The following GRID2 variants were observed in gnomAD, a reference collection of about 807,000 sequenced individuals.
GRID2 encodes the protein glutamate receptor ionotropic, delta-2.
A neutral mutation model predicts 114.8 loss-of-function variants in GRID2; 33 were observed. The observed-to-expected ratio is 0.29, with a 90% CI of 0.22 to 0.38. The LOEUF (loss-of-function observed/expected upper bound fraction) is 0.38, where lower values mean the gene tolerates loss of function less well. GRID2 is among the 10% of genes least tolerant of loss of function. The pLI is 1.00. For synonymous variants in GRID2, 505 were observed against 449.9 expected, an observed-to-expected ratio of 1.12 and a Z score of -1.55; for missense variants, 1,184 against 1,257.7, an observed-to-expected ratio of 0.94 and a Z score of 0.89.
At chr4:92,765,628 C>T (rs1738222517) in intron 2 of GRID2, among the ~76,000 whole-genome samples, 1 of 152,098 alleles carries the variant, frequency 6.6e-6, no homozygotes, top group Admixed American at 6.5e-5. Context: ...ACCTGTGATA[C>T]AGCCAAATGA....
chr4:93,562,226 G>A (rs1256216433), intron 13 of GRID2, among the ~76,000 whole-genome samples: 2 of 151,654 alleles, frequency 1.3e-5, no homozygotes, highest in Admixed American at 1.3e-4. Context: ...CATTCTAATA[G>A]TGTGTAGTGA....
At chr4:92,513,176 T>C (rs1724339672) in intron 1 of GRID2, among the ~76,000 whole-genome samples, 1 of 151,850 alleles carries the variant, frequency 6.6e-6, no homozygotes, top group Admixed American at 6.6e-5. Flanking sequence ...GCTGACTCTT[T>C]CTTAATTAAC....
intron 8 of GRID2, among the ~76,000 whole-genome samples, chr4:93,285,993 G>C (rs1182003554): frequency 3.3e-5 from 5 of 151,992 alleles, no homozygotes; most frequent in African/African-American, 1.2e-4. Context: ...AATAAGCTGT[G>C]TAGTTTATTT....
chr4:93,810,264 C>A (rs1353619081), downstream of GRID2: 1 of 152,154 alleles, frequency 6.6e-6, no homozygotes, highest in Non-Finnish European at 1.5e-5. Flanking sequence ...GCAGAAAACT[C>A]TTCCTTTCCC....
At chr4:93,555,288 A>G (rs1438705601) in intron 13 of GRID2, among the ~76,000 whole-genome samples, 1 of 152,168 alleles carries the variant, frequency 6.6e-6, no homozygotes, top group African/African-American at 2.4e-5. Context: ...AGGGGGCTGA[A>G]GCCAGGGAGC....
chr4:92,764,414 T>C lies in GRID2; in HGVS notation c.244+174128T>C, dbSNP rs1738162903. Among the ~76,000 whole-genome samples, 2 of 152,158 alleles carry C rather than the reference T, an allele frequency of 1.3e-5. 1 individual carries two copies. The highest frequency in any genetic ancestry group is 4.1e-4 in the South Asian group (2 of 4,824). On this transcript the variant is annotated intron_variant, in intron 2 of 15. Transcript: ENST00000282020. ...AGCCCAAGGACTTACAATTGGGTCT[T>C]TTGAGAGTGAGCATGTGGACAACCC...
At chr4:92,969,551 A>G (rs981793314) in intron 2 of GRID2, among the ~76,000 whole-genome samples, 1 of 151,774 alleles carries the variant, frequency 6.6e-6, no homozygotes, top group Admixed American at 6.6e-5. Context: ...GTATTGAGTA[A>G]TTACATTCCC....
chr4:92,916,045 T>C (rs1198065057), intron 2 of GRID2, among the ~76,000 whole-genome samples: 1 of 152,184 alleles, frequency 6.6e-6, no homozygotes, highest in Non-Finnish European at 1.5e-5. Flanking sequence ...AATAGTTTTC[T>C]TTGCGATGCG....
At chr4:92,499,222 A>G (rs1723551631) in intron 1 of GRID2, among the ~76,000 whole-genome samples, 1 of 151,954 alleles carries the variant, frequency 6.6e-6, no homozygotes, top group African/African-American at 2.4e-5. Context: ...CTTTCCTTAT[A>G]TTAATAATCA....
chr4:93,441,609 A>G (rs912893909), intron 10 of GRID2, among the ~76,000 whole-genome samples: 15 of 151,928 alleles, frequency 9.9e-5, no homozygotes, highest in African/African-American at 2.7e-4. Context: ...ATATTCACTC[A>G]CTCTAGCAAT....
At chr4:92,465,575 G>A (rs1007989884) in intron 1 of GRID2, among the ~76,000 whole-genome samples, 4 of 151,964 alleles carry the variant, frequency 2.6e-5, no homozygotes, top group Admixed American at 6.6e-5. Context: ...TTTGTAGTTT[G>A]CTCAAAATTT....
rs553247228 is a variant in GRID2, at chr4:92,555,538, C to G, written c.89-34593C>G. Among the ~76,000 whole-genome samples the G allele has an allele frequency of 3.9e-5, 6 of 152,226 alleles. No individual in the cohort carries two copies. In the East Asian group the frequency reaches 1.2e-3, roughly 29 times the overall value. ...AAAAATGAAGGCAGCTGGCATACAT[C>G]ATATCTTCTAGGGGTCTGGCAATGA... On this transcript the variant is annotated intron_variant, in intron 1 of 15. Coordinates refer to ENST00000282020, the MANE Select transcript of GRID2 (RefSeq NM_001510.4).
intron 11 of GRID2, among the ~76,000 whole-genome samples, chr4:93,479,856 C>T (rs1725682396): frequency 6.6e-6 from 1 of 152,070 alleles, no homozygotes; most frequent in African/African-American, 2.4e-5. Flanking sequence ...TAACGTTTTA[C>T]CAGTTGTCTG....
At chr4:93,271,655 A>G (rs1751475046) in intron 8 of GRID2, among the ~76,000 whole-genome samples, 1 of 152,212 alleles carries the variant, frequency 6.6e-6, no homozygotes, top group Non-Finnish European at 1.5e-5. Flanking sequence ...AAGTCACTCT[A>G]TTGCTTAAAA....
chr4:92,443,885 G>A (rs1733281832), intron 1 of GRID2, among the ~76,000 whole-genome samples: 1 of 152,226 alleles, frequency 6.6e-6, no homozygotes, highest in Admixed American at 6.5e-5. Flanking sequence ...TTTCCAGTCT[G>A]TGACCGGCAC....
chr4:93,678,366 C>A (rs2110082911), intron 14 of GRID2, among the ~76,000 whole-genome samples: 1 of 152,198 alleles, frequency 6.6e-6, no homozygotes, highest in Non-Finnish European at 1.5e-5. Flanking sequence ...GGATATTATC[C>A]AGGACAACTT....
At chr4:93,055,998 T>C (rs1727199534) in intron 2 of GRID2, among the ~76,000 whole-genome samples, 2 of 151,882 alleles carry the variant, frequency 1.3e-5, no homozygotes, top group South Asian at 4.1e-4. Flanking sequence ...CTTTTCTGAA[T>C]TCTTTGCTGC....
chr4:93,407,911 G>C (rs1766693641), intron 9 of GRID2, among the ~76,000 whole-genome samples: 2 of 151,416 alleles, frequency 1.3e-5, no homozygotes, highest in South Asian at 4.2e-4. Context: ...CTAGTGGTAT[G>C]ATTTTTGAAT....
intron 8 of GRID2, among the ~76,000 whole-genome samples, chr4:93,270,818 A>G (rs1751382279): frequency 2.0e-5 from 3 of 151,984 alleles, no homozygotes; most frequent in African/African-American, 7.2e-5. Context: ...TAGTAGAGAC[A>G]GGGTTTTACC....
Sources: gnomAD v4.1 joint callset for allele counts (sites outside exome capture counted in the v4.1 genomes callset) on GRCh38, gnomAD v4.1.1 for gene constraint, MANE v1.5 for transcripts, NCBI Gene and HGNC (gene_info 2026-07-23, HGNC 2026-07-21) for gene names.